SAMMSON: variants seen among roughly 807,000 people sequenced by gnomAD.
SAMMSON encodes survival associated mitochondrial melanoma specific oncogenic non-coding RNA.
At chr3:70,040,212 A>G (rs1282663968) in intron 3 of SAMMSON, among the ~76,000 whole-genome samples, 1 of 152,154 alleles carries the variant, frequency 6.6e-6, no homozygotes, top group Non-Finnish European at 1.5e-5. Context: ...ACTAAAATTG[A>G]TATCATACAC....
intron 3 of SAMMSON, among the ~76,000 whole-genome samples, chr3:70,046,268 A>G (rs747092327): frequency 3.3e-5 from 5 of 152,128 alleles, no homozygotes; most frequent in South Asian, 2.1e-4. Flanking sequence ...AAGGTGACCA[A>G]TGAAAATATT....
chr3:70,019,175 A>T (rs528829339), intron 3 of SAMMSON, among the ~76,000 whole-genome samples: 1 of 152,082 alleles, frequency 6.6e-6, no homozygotes, highest in Non-Finnish European at 1.5e-5. Flanking sequence ...TAATGTTGAC[A>T]GTGGGGTGTT....
chr3:70,128,282 T>A (rs1200172111), intron 4 of SAMMSON, among the ~76,000 whole-genome samples: 2 of 152,152 alleles, frequency 1.3e-5, no homozygotes, highest in African/African-American at 4.8e-5. Context: ...CATTTCTCCA[T>A]CTGAATAGCT....
intron 3 of SAMMSON, among the ~76,000 whole-genome samples, chr3:70,040,581 A>C (rs1469273001): frequency 6.6e-6 from 1 of 152,066 alleles, no homozygotes; most frequent in East Asian, 1.9e-4. Context: ...CTGCTCCGGG[A>C]ATCTAAAATC....
chr3:70,279,397 T>C (rs1442428756), intron 6 of SAMMSON, among the ~76,000 whole-genome samples: 1 of 152,100 alleles, frequency 6.6e-6, no homozygotes, highest in Admixed American at 6.6e-5. Flanking sequence ...ATTCTGTATA[T>C]CACACTCGTC....
intron 4 of SAMMSON, among the ~76,000 whole-genome samples, chr3:70,239,035 C>T (rs1186812257): frequency 2.6e-5 from 4 of 151,994 alleles, no homozygotes. Flanking sequence ...AAATGATCTA[C>T]AAAAATGGCT....
chr3:70,206,989 T>C (rs1215738263), intron 4 of SAMMSON, among the ~76,000 whole-genome samples: 1 of 151,660 alleles, frequency 6.6e-6, no homozygotes, highest in Non-Finnish European at 1.5e-5. Flanking sequence ...TTTATACACA[T>C]TGCAAACTTT....
At chr3:70,131,424 T>A (rs1016584500) in intron 4 of SAMMSON, among the ~76,000 whole-genome samples, 1 of 152,264 alleles carries the variant, frequency 6.6e-6, no homozygotes, top group Non-Finnish European at 1.5e-5. Flanking sequence ...AAGCTGAAAA[T>A]TCTTATTTAC....
At chr3:70,292,081 G>T (rs1702244612) in intron 7 of SAMMSON, 1 of 152,100 alleles carries the variant, frequency 6.6e-6, no homozygotes, top group Admixed American at 6.5e-5. Context: ...ATTCCTTTAT[G>T]AATACTTTAT....
At chr3:70,133,704 G>T (rs1342477051) in intron 4 of SAMMSON, among the ~76,000 whole-genome samples, 6 of 152,102 alleles carry the variant, frequency 3.9e-5, no homozygotes, top group Non-Finnish European at 7.4e-5. Flanking sequence ...AAGTTGTAGG[G>T]CACAGTTGAG....
At chr3:70,250,639 C>T (rs997928504) in intron 6 of SAMMSON, among the ~76,000 whole-genome samples, 2 of 152,158 alleles carry the variant, frequency 1.3e-5, no homozygotes, top group Admixed American at 6.5e-5. Flanking sequence ...TTTCAAATTA[C>T]GCTGTGTTTT....
At chr3:70,393,422 T>C (rs1701066077), downstream of SAMMSON, among the ~76,000 whole-genome samples, 2 of 152,218 alleles carry the variant, frequency 1.3e-5, no homozygotes. Flanking sequence ...CTACTTTTCA[T>C]AAAATCTCTA....
At chr3:70,299,003 C>T (rs891631652) in intron 7 of SAMMSON, among the ~76,000 whole-genome samples, 1 of 152,034 alleles carries the variant, frequency 6.6e-6, no homozygotes, top group Non-Finnish European at 1.5e-5. Flanking sequence ...AAGTGCCATC[C>T]AAAGGTGAAA....
At chr3:70,426,786 T>C (rs1381815895) in intron 2 of SAMMSON, among the ~76,000 whole-genome samples, 4 of 152,206 alleles carry the variant, frequency 2.6e-5, no homozygotes, top group Non-Finnish European at 4.4e-5. Context: ...ATTGACATCT[T>C]TGAAGATTCA....
At chr3:70,238,181 G>C (rs990354458) in intron 4 of SAMMSON, among the ~76,000 whole-genome samples, 1 of 151,568 alleles carries the variant, frequency 6.6e-6, no homozygotes, top group Non-Finnish European at 1.5e-5. Flanking sequence ...TGTGAGACTC[G>C]CATAGCACCA....
chr3:70,039,216 AAGG>A (rs2067097169), intron 3 of SAMMSON, among the ~76,000 whole-genome samples: 1 of 152,128 alleles, frequency 6.6e-6, no homozygotes, highest in African/African-American at 2.4e-5. Context: ...ATTGGCCATC[AAGG>A]AGGTTAAGCA....
intron 4 of SAMMSON, chr3:70,196,809 AT>A: frequency 5.0e-6 from 2 of 397,146 alleles, no homozygotes; most frequent in East Asian, 7.1e-5. Flanking sequence ...AAAATGGCCT[AT>A]AGCATCCAAG....
At chr3:70,416,209 C>G (rs1689116019) in intron 2 of SAMMSON, among the ~76,000 whole-genome samples, 1 of 152,148 alleles carries the variant, frequency 6.6e-6, no homozygotes, top group African/African-American at 2.4e-5. Context: ...TGGAGATGAG[C>G]ACTAGAGAAA....
rs572159595 is a variant in SAMMSON at position 70,091,105 on chromosome 3, G to T, written n.507+19540G>T. ...ACAAATGGGGTGAATCGACACTTTG[G>T]ATGGCTTAGCGTATTGTACTTTGTG... On this transcript the variant is annotated intron_variant and non_coding_transcript_variant, in intron 4 of 9. Coordinates refer to ENST00000642114, the Ensembl canonical transcript of SAMMSON. Among the ~76,000 whole-genome samples, 3 of 152,234 alleles carry T rather than the reference G, an allele frequency of 2.0e-5. No individual in the cohort carries two copies. In the South Asian group the frequency reaches 6.2e-4, roughly 32 times the overall value.
Sources: gnomAD v4.1 joint callset for allele counts (sites outside exome capture counted in the v4.1 genomes callset) on GRCh38, gnomAD v4.1.1 for gene constraint, MANE v1.5 for transcripts, NCBI Gene and HGNC (gene_info 2026-07-23, HGNC 2026-07-21) for gene names.